Variants in ABTB3 observed in about 807,000 individuals in gnomAD.
ABTB3 encodes ankyrin repeat and BTB domain containing 3.
At chr12:107,570,234 A>C in the ABTB3 span, among the ~76,000 whole-genome samples, 1 of 140,270 alleles carries the variant, frequency 7.1e-6, no homozygotes, top group Non-Finnish European at 1.6e-5. Context: ...TTTTTTCCCA[A>C]GACAGAGTCT....
chr12:107,575,435 G>T, the ABTB3 span, among the ~76,000 whole-genome samples: 8 of 152,106 alleles, frequency 5.3e-5, no homozygotes, highest in African/African-American at 1.7e-4. Context: ...CAATAACCCT[G>T]TTTATTTGTT....
the ABTB3 span, among the ~76,000 whole-genome samples, chr12:107,425,578 C>T: frequency 1.3e-5 from 2 of 152,162 alleles, no homozygotes; most frequent in Non-Finnish European, 1.5e-5. Flanking sequence ...AATTTTGCCT[C>T]GATTAAACAA....
the ABTB3 span, chr12:107,620,219 C>T: frequency 6.3e-7 from 1 of 1,591,496 alleles, no homozygotes; most frequent in Non-Finnish European, 8.6e-7. Flanking sequence ...GCTGGAGGTT[C>T]CCAGATCTGA....
chr12:107,477,325 C>T, the ABTB3 span, among the ~76,000 whole-genome samples: 5 of 152,170 alleles, frequency 3.3e-5, no homozygotes, highest in African/African-American at 4.8e-5. Context: ...AAAAGGCGGA[C>T]TACCACCTTG....
At chr12:107,329,822 G>A in the ABTB3 span, among the ~76,000 whole-genome samples, 1 of 152,242 alleles carries the variant, frequency 6.6e-6, no homozygotes, top group Non-Finnish European at 1.5e-5. Context: ...TGTGTTAAAT[G>A]TTGAGCAACA....
At chr12:107,487,963 T>C in the ABTB3 span, among the ~76,000 whole-genome samples, 1 of 149,746 alleles carries the variant, frequency 6.7e-6, no homozygotes, top group Non-Finnish European at 1.5e-5. Flanking sequence ...AGAAAGACTT[T>C]TGGGGGAAAT....
chr12:107,499,768 C>A, the ABTB3 span, among the ~76,000 whole-genome samples: 1 of 151,846 alleles, frequency 6.6e-6, no homozygotes, highest in African/African-American at 2.4e-5. Context: ...TCACTACAAC[C>A]TCTACCTCCC....
the ABTB3 span, among the ~76,000 whole-genome samples, chr12:107,556,805 G>A: frequency 6.6e-6 from 1 of 152,040 alleles, no homozygotes; most frequent in Non-Finnish European, 1.5e-5. Flanking sequence ...GAGGTCAGGA[G>A]TTCGAGACCA....
chr12:107,500,995 C>T, the ABTB3 span, among the ~76,000 whole-genome samples: 14 of 152,200 alleles, frequency 9.2e-5, no homozygotes, highest in Non-Finnish European at 2.1e-4. Context: ...GGTTCTAGTC[C>T]TAGCTCTACC....
At chr12:107,648,380 CCACACACACACACA>C in the ABTB3 span, among the ~76,000 whole-genome samples, 2 of 140,100 alleles carry the variant, frequency 1.4e-5, no homozygotes, top group African/African-American at 2.7e-5. Context: ...GACCCCATCT[CCACACACACACACA>C]CACACACACA....
the ABTB3 span, among the ~76,000 whole-genome samples, chr12:107,405,014 T>C: frequency 1.3e-5 from 2 of 152,228 alleles, no homozygotes; most frequent in South Asian, 4.1e-4. Context: ...AGATCCAGGA[T>C]ACAAACCCAG....
At chr12:107,590,703 A>G in the ABTB3 span, among the ~76,000 whole-genome samples, 1 of 152,236 alleles carries the variant, frequency 6.6e-6, no homozygotes, top group Non-Finnish European at 1.5e-5. Context: ...TGGTACTTAT[A>G]GCAACACAGG....
the ABTB3 span, among the ~76,000 whole-genome samples, chr12:107,462,460 A>T: frequency 6.6e-6 from 1 of 152,210 alleles, no homozygotes; most frequent in Non-Finnish European, 1.5e-5. Context: ...TAAGTTTGCA[A>T]TGGGAATGGT....
the ABTB3 span, among the ~76,000 whole-genome samples, chr12:107,375,528 C>A: frequency 6.6e-6 from 1 of 152,276 alleles, no homozygotes; most frequent in East Asian, 1.9e-4. Context: ...CCTCTCCTCC[C>A]TGTGGGCCAG....
At chr12:107,602,830 G>A in the ABTB3 span, among the ~76,000 whole-genome samples, 3 of 152,276 alleles carry the variant, frequency 2.0e-5, no homozygotes, top group South Asian at 2.1e-4. Flanking sequence ...AGAAAGCAAC[G>A]CCATCGCTTG....
At chr12:107,463,768 G>A in the ABTB3 span, among the ~76,000 whole-genome samples, 1 of 152,188 alleles carries the variant, frequency 6.6e-6, no homozygotes, top group Non-Finnish European at 1.5e-5. Flanking sequence ...ACTCTCACAA[G>A]GGACTTCTAC....
At chr12:107,458,472 A>C in the ABTB3 span, among the ~76,000 whole-genome samples, 2 of 152,164 alleles carry the variant, frequency 1.3e-5, no homozygotes, top group African/African-American at 4.8e-5. Context: ...GACAGAATCT[A>C]GGGGGATAGG....
At chr12:107,537,325 G>A in the ABTB3 span, among the ~76,000 whole-genome samples, 1 of 152,020 alleles carries the variant, frequency 6.6e-6, no homozygotes, top group African/African-American at 2.4e-5. Context: ...TCCACTGTAG[G>A]GTGAATATAG....
the ABTB3 span, among the ~76,000 whole-genome samples, chr12:107,345,683 A>G: frequency 6.6e-6 from 1 of 152,130 alleles, no homozygotes; most frequent in Non-Finnish European, 1.5e-5. Context: ...AAGGAAAACA[A>G]GGAAACCTAG....
Sources: gnomAD v4.1 joint callset for allele counts (sites outside exome capture counted in the v4.1 genomes callset) on GRCh38, gnomAD v4.1.1 for gene constraint, MANE v1.5 for transcripts, NCBI Gene and HGNC (gene_info 2026-07-23, HGNC 2026-07-21) for gene names.